Variants in PIAS2 observed in about 807,000 individuals in gnomAD.
PIAS2 encodes E3 SUMO-protein ligase PIAS2.
PIAS2 carries 19 observed loss-of-function variants against 69.7 expected under a neutral mutation model. The ratio of observed to expected loss-of-function variants is 0.27; its 90% CI spans 0.19 to 0.40. The LOEUF (loss-of-function observed/expected upper bound fraction) is 0.40. Ranked by LOEUF, PIAS2 falls within the 10% of genes least tolerant of loss-of-function variation. The probability of loss-of-function intolerance (pLI) is 1.00; values close to 1 mark genes in which losing one functional copy is unlikely to be tolerated. For missense variants in PIAS2, 624 were observed against 757.0 expected (o/e 0.82, Z 2.06); for synonymous variants, 261 against 263.2 (o/e 0.99, Z 0.08).
chr18:46,892,308 T>C (rs2063159784), intron 1 of PIAS2, among the ~76,000 whole-genome samples: 1 of 152,198 alleles, frequency 6.6e-6, no homozygotes. Flanking sequence ...GTAATCCATA[T>C]ACACTGTCAT....
intron 8 of PIAS2, among the ~76,000 whole-genome samples, chr18:46,843,611 A>G (rs1000373792): frequency 1.2e-4 from 19 of 152,172 alleles, no homozygotes; most frequent in Non-Finnish European, 2.2e-4. Context: ...CATACTTTCT[A>G]TGTAAGGAGA....
intron 5 of PIAS2, among the ~76,000 whole-genome samples, chr18:46,851,022 T>C (rs1476603623): frequency 2.0e-5 from 3 of 152,154 alleles, no homozygotes; most frequent in Non-Finnish European, 4.4e-5. Flanking sequence ...ATGTCAAAAT[T>C]ATCCCTTCTC....
At chr18:46,840,524 T>C (rs552760195) in intron 8 of PIAS2, among the ~76,000 whole-genome samples, 2 of 152,360 alleles carry the variant, frequency 1.3e-5, no homozygotes, top group South Asian at 4.1e-4. Context: ...TTTTCTTCTA[T>C]GCTGTTTCCA....
intron 1 of PIAS2, among the ~76,000 whole-genome samples, chr18:46,904,570 G>C (rs1041496015): frequency 6.6e-6 from 1 of 152,058 alleles, no homozygotes; most frequent in Non-Finnish European, 1.5e-5. Flanking sequence ...GGCCAACATG[G>C]TGAAACACCA....
intron 1 of PIAS2, chr18:46,914,911 C>A (rs1004161648): frequency 2.0e-5 from 3 of 152,146 alleles, no homozygotes; most frequent in African/African-American, 7.2e-5. Flanking sequence ...CAAGGACCAT[C>A]ATTTTGAGAA....
At chr18:46,852,477 T>C (rs931111569) in intron 5 of PIAS2, among the ~76,000 whole-genome samples, 7 of 152,216 alleles carry the variant, frequency 4.6e-5, no homozygotes, top group Non-Finnish European at 1.0e-4. Flanking sequence ...GCTCCAGGGA[T>C]GCCAGACTCA....
At chr18:46,906,773 T>TAG in intron 1 of PIAS2, among the ~76,000 whole-genome samples, 1 of 80,886 alleles carries the variant, frequency 1.2e-5, no homozygotes, top group African/African-American at 4.5e-5. Context: ...TGTGTGTGTG[T>TAG]GGGGGGGGGG....
At chr18:46,813,562 G>A (rs2041198567) in intron 13 of PIAS2, among the ~76,000 whole-genome samples, 1 of 152,184 alleles carries the variant, frequency 6.6e-6, no homozygotes, top group South Asian at 2.1e-4. Context: ...TGAAAGATCA[G>A]TAAGGATATC....
intron 6 of PIAS2, 157 bp downstream of exon 6, chr18:46,846,550 G>A (rs1414120938): frequency 1.7e-6 from 1 of 592,922 alleles, no homozygotes; most frequent in Non-Finnish European, 2.7e-6. Flanking sequence ...TTAACTTTAA[G>A]AATCTCCACA....
intron 12 of PIAS2, chr18:46,816,613 C>T (rs971943642): frequency 1.2e-5 from 3 of 241,500 alleles, no homozygotes; most frequent in African/African-American, 7.0e-5. Context: ...GTGTGTGTCA[C>T]TATGCCCAGC....
intron 2 of PIAS2, among the ~76,000 whole-genome samples, chr18:46,875,886 C>T (rs1450149697): frequency 6.6e-6 from 1 of 152,226 alleles, no homozygotes; most frequent in Non-Finnish European, 1.5e-5. Context: ...CAACGCCCCA[C>T]AGCCTAGGGT....
intron 1 of PIAS2, among the ~76,000 whole-genome samples, chr18:46,910,362 ATGTT>A (rs1289316310): frequency 1.3e-5 from 2 of 152,152 alleles, no homozygotes; most frequent in African/African-American, 4.8e-5. Flanking sequence ...AATTATATGT[ATGTT>A]TGTTTACATA....
chr18:46,892,772 AAATAAT>A (rs905342550), intron 1 of PIAS2, among the ~76,000 whole-genome samples: 1 of 151,896 alleles, frequency 6.6e-6, no homozygotes, highest in Non-Finnish European at 1.5e-5. Context: ...ACTGTCTCAA[AAATAAT>A]AATAATAATA....
chr18:46,842,246 TAA>T (rs755000016), intron 8 of PIAS2, among the ~76,000 whole-genome samples: 1 of 35,564 alleles, frequency 2.8e-5, no homozygotes, highest in African/African-American at 8.2e-5. Context: ...TAAAATAAAT[TAA>T]AAAAAAAAAA....
intron 3 of PIAS2, among the ~76,000 whole-genome samples, chr18:46,862,292 C>G (rs900379898): frequency 6.6e-6 from 1 of 152,122 alleles, no homozygotes; most frequent in Non-Finnish European, 1.5e-5. Flanking sequence ...GATCATGCTA[C>G]TGCACTCACT....
chr18:46,911,767 C>T (rs919330434), intron 1 of PIAS2, among the ~76,000 whole-genome samples: 1 of 152,160 alleles, frequency 6.6e-6, no homozygotes, highest in Non-Finnish European at 1.5e-5. Flanking sequence ...AGGCTGGGGC[C>T]GGGCTCAGCG....
In PIAS2 at chr18:46,890,976, G is replaced by A; in HGVS notation, c.103C>T (p.His35Tyr). Residue 35 changes from histidine to tyrosine, a missense_variant, in exon 2 of 14, where the codon CAT becomes TAT. Around this residue, in one of 3 missense-constraint regions of PIAS2, gnomAD observed 339 missense variants for 408.8 expected, o/e 0.83. Coordinates refer to ENST00000585916, the MANE Select transcript of PIAS2 (RefSeq NM_004671.5). ...FAGRNKSGRK[H>Y]DLLMRALHLL... ...TGCAGCGCCCTCATCAGGAGGTCAT[G>A]CTTGCGTCCACTTTTATTCCGTCCA... is the stretch of plus-strand genomic sequence containing the variant. 6.2e-7 allele frequency: 1 copy of A among 1,614,086 alleles called. No individual in the cohort carries two copies.
chr18:46,867,463 C>T (rs1028760153), intron 2 of PIAS2, among the ~76,000 whole-genome samples: 2 of 152,184 alleles, frequency 1.3e-5, no homozygotes, highest in Admixed American at 6.5e-5. Flanking sequence ...GTTATTTTAA[C>T]ATAACCATGA....
intron 1 of PIAS2, among the ~76,000 whole-genome samples, chr18:46,911,421 A>G (rs1599116767): frequency 6.6e-6 from 1 of 152,064 alleles, no homozygotes; most frequent in African/African-American, 2.4e-5. Context: ...TCACCATGTT[A>G]GCCAGGCTGG....
Sources: allele counts gnomAD v4.1 joint callset (sites outside exome capture counted in the v4.1 genomes callset), GRCh38; gene constraint gnomAD v4.1.1; regional missense constraint gnomAD v4.1.1; transcripts MANE v1.5; gene names NCBI Gene and HGNC (gene_info 2026-07-23, HGNC 2026-07-21).